Variants in COG6 observed in about 807,000 individuals in gnomAD.
The protein encoded by COG6 is conserved oligomeric Golgi complex subunit 6.
In COG6, 74 loss-of-function variants were observed where a neutral mutation model predicts 88.8. The observed-to-expected ratio is 0.83, with a 90% CI of 0.69 to 1.01. COG6 has a LOEUF of 1.01. Ranked by LOEUF, COG6 falls within the 50% of genes least tolerant of loss-of-function variation. The pLI is 0.00. For synonymous variants in COG6, 286 were observed against 278.7 expected (o/e 1.03, Z -0.26); for missense variants, 800 against 797.9 (o/e 1.00, Z -0.03).
At chr13:39,745,314 A>T (rs1003283918) in intron 18 of COG6, among the ~76,000 whole-genome samples, 1 of 152,214 alleles carries the variant, frequency 6.6e-6, no homozygotes, top group Non-Finnish European at 1.5e-5. Flanking sequence ...AACCTACAGA[A>T]TGGGAAAAAA....
rs777736500 is a variant in COG6 at position 39,679,525 on chromosome 13, C to G, written c.541-13C>G. ...TGAAGCATGGACATAAAGTCACATT[C>G]TTAATTTTAAAGGATTTTTTCAAGG... On this transcript the variant is annotated splice_polypyrimidine_tract_variant and intron_variant, in intron 5 of 18. Coordinates refer to ENST00000455146, the MANE Select transcript of COG6 (RefSeq NM_020751.3). The G allele has an allele frequency of 6.9e-7, 1 of 1,455,394 alleles. No individual in the cohort carries two copies. The highest frequency in any genetic ancestry group is 1.1e-5 in the South Asian group (1 of 87,838). 90.2% of individuals were successfully genotyped at this position (1,455,394 alleles called of 1,614,324 possible).
intron 18 of COG6, among the ~76,000 whole-genome samples, chr13:39,767,008 G>T (rs4403927): frequency 0.42 from 63,287 of 151,878 alleles, 13,563 homozygotes; most frequent in Admixed American, 0.57. Flanking sequence ...GACTTGACAT[G>T]TCTTGTTTTA....
chr13:39,733,878 G>C (rs1260374445), intron 18 of COG6, among the ~76,000 whole-genome samples: 1 of 152,096 alleles, frequency 6.6e-6, no homozygotes, highest in Non-Finnish European at 1.5e-5. Flanking sequence ...CAGATTGCAT[G>C]TGTCTAGGAA....
chr13:39,705,739 C>T (rs1038926638), intron 13 of COG6, among the ~76,000 whole-genome samples: 6 of 152,076 alleles, frequency 3.9e-5, no homozygotes, highest in Non-Finnish European at 8.8e-5. Context: ...CTTTTTACTA[C>T]TCATAGCATA....
chr13:39,683,569 T>C (rs1158126976), intron 8 of COG6, among the ~76,000 whole-genome samples: 1 of 152,222 alleles, frequency 6.6e-6, no homozygotes, highest in Non-Finnish European at 1.5e-5. Context: ...ATGTTTACCA[T>C]TGATCAGCAG....
chr13:39,746,234 A>T (rs918386412), intron 18 of COG6, among the ~76,000 whole-genome samples: 14 of 141,672 alleles, frequency 9.9e-5, no homozygotes, highest in African/African-American at 3.6e-4. Context: ...AAGTATCATT[A>T]AAAAAAAAAA....
chr13:39,746,498 C>G (rs1241059818), intron 18 of COG6, among the ~76,000 whole-genome samples: 1 of 152,136 alleles, frequency 6.6e-6, no homozygotes, highest in Non-Finnish European at 1.5e-5. Flanking sequence ...TAAGGACATT[C>G]CCAACTTTCA....
intron 13 of COG6, among the ~76,000 whole-genome samples, chr13:39,700,655 G>A (rs952607334): frequency 2.0e-5 from 3 of 151,888 alleles, no homozygotes; most frequent in African/African-American, 7.2e-5. Flanking sequence ...GCTGTTGAGA[G>A]TACAAGGATG....
chr13:39,756,168 TTTATA>T (rs1441154409), downstream of COG6, among the ~76,000 whole-genome samples: 4 of 152,178 alleles, frequency 2.6e-5, no homozygotes, highest in Non-Finnish European at 5.9e-5. Flanking sequence ...TTTTAATACA[TTTATA>T]ATTTTAAAAG....
chr13:39,757,525 C>A (rs190205367), downstream of COG6, among the ~76,000 whole-genome samples: 16 of 151,640 alleles, frequency 1.1e-4, no homozygotes, highest in Admixed American at 3.3e-4. Flanking sequence ...AAAGTTAATT[C>A]TCTGAAAGGA....
chr13:39,694,146 T>G (rs1041151139), intron 11 of COG6, among the ~76,000 whole-genome samples: 2 of 151,882 alleles, frequency 1.3e-5, no homozygotes, highest in Non-Finnish European at 2.9e-5. Flanking sequence ...TTGGCAAATA[T>G]GTTGGTGCTA....
Position 39,723,441 on chromosome 13 carries a change from G to C in COG6, c.1692+1G>C, listed in dbSNP as rs375984232. On this transcript the variant is annotated splice_donor_variant, in intron 16 of 18. Coordinates refer to ENST00000455146, the MANE Select transcript of COG6 (RefSeq NM_020751.3). LOFTEE classifies it high-confidence loss of function. ...TGTACAGCAACATAAACCTGAACAG[G>C]TAAGTGCATAGATGTTCCTTCCTAA... The C allele has an allele frequency of 2.0e-6, 3 of 1,507,312 alleles. No individual in the cohort carries two copies. The African/African-American group carries it at 4.1e-5, about 21-fold the overall frequency. 93.4% of individuals were successfully genotyped at this position (1,507,312 alleles called of 1,614,324 possible).
rs1030662175 is a variant in COG6 at position 39,751,412 on chromosome 13, A to T, written c.*319A>T. The T allele has an allele frequency of 4.5e-5, 59 of 1,307,456 alleles. No individual in the cohort carries two copies. The highest frequency in any genetic ancestry group is 6.1e-4 in the Middle Eastern group (2 of 3,296). The allele number at this position is 1,307,456 out of a possible 1,614,324, so 81.0% of individuals were successfully genotyped here. ...AAGGTTTGAAGAATTTTTTTTTACAAGACTAGTTCTAAATTAACAGCTTAT... is the reference window on the plus strand; with the variant it reads ...AAGGTTTGAAGAATTTTTTTTTACATGACTAGTTCTAAATTAACAGCTTAT... On this transcript the variant is annotated 3_prime_UTR_variant, in exon 19 of 19. Coordinates refer to ENST00000455146, the MANE Select transcript of COG6 (RefSeq NM_020751.3).
intron 18 of COG6, among the ~76,000 whole-genome samples, chr13:39,740,347 G>A (rs1283185058): frequency 6.6e-6 from 1 of 152,086 alleles, no homozygotes; most frequent in South Asian, 2.1e-4. Flanking sequence ...TTTCACACTT[G>A]CCCTCTCCAC....
intron 15 of COG6, among the ~76,000 whole-genome samples, chr13:39,722,654 C>A (rs558033132): frequency 4.0e-4 from 60 of 151,486 alleles, no homozygotes; most frequent in African/African-American, 1.4e-3. Flanking sequence ...TTTTTCTCAC[C>A]AGGGAATGTT....
At chr13:39,722,202 C>T (rs1287563186) in intron 15 of COG6, among the ~76,000 whole-genome samples, 1 of 151,736 alleles carries the variant, frequency 6.6e-6, no homozygotes, top group East Asian at 1.9e-4. Flanking sequence ...TTTGCAGTAA[C>T]TCTTTTTCAC....
chr13:39,747,464 A>G (rs536833445), intron 18 of COG6, among the ~76,000 whole-genome samples: 1 of 152,194 alleles, frequency 6.6e-6, no homozygotes, highest in Non-Finnish European at 1.5e-5. Context: ...CATGTAATAC[A>G]TGAAGATTTC....
intron 18 of COG6, among the ~76,000 whole-genome samples, chr13:39,739,594 T>C (rs1446776578): frequency 6.6e-6 from 1 of 152,034 alleles, no homozygotes; most frequent in Non-Finnish European, 1.5e-5. Flanking sequence ...AGCCAAAGCA[T>C]ACAAAGAAAA....
intron 18 of COG6, among the ~76,000 whole-genome samples, chr13:39,763,334 C>T (rs1881080222): frequency 6.6e-6 from 1 of 151,650 alleles, no homozygotes; most frequent in Non-Finnish European, 1.5e-5. Flanking sequence ...TCGTTTCTTG[C>T]TATGTGGCAC....
Sources: gnomAD v4.1 joint callset for allele counts (sites outside exome capture counted in the v4.1 genomes callset) on GRCh38, gnomAD v4.1.1 for gene constraint, MANE v1.5 for transcripts, NCBI Gene and HGNC (gene_info 2026-07-23, HGNC 2026-07-21) for gene names.